PTGER4: variants seen among roughly 807,000 people sequenced by gnomAD.
The protein encoded by PTGER4 is prostaglandin E2 receptor EP4 subtype.
A neutral mutation model predicts 33.2 loss-of-function variants in PTGER4; 11 were observed. The observed-to-expected ratio is 0.33, with a 90% CI of 0.21 to 0.55. The LOEUF (loss-of-function observed/expected upper bound fraction) is 0.55. Ranked by LOEUF, PTGER4 falls within the 20% of genes least tolerant of loss-of-function variation. The pLI is 0.92. For missense variants in PTGER4, 481 were observed against 650.2 expected (o/e 0.74, Z 2.83); for synonymous variants, 275 against 281.5 (o/e 0.98, Z 0.23).
downstream of PTGER4, among the ~76,000 whole-genome samples, chr5:40,697,254 G>GAA (rs1367082882): frequency 4.8e-4 from 44 of 92,056 alleles, no homozygotes; most frequent in African/African-American, 1.3e-3. Flanking sequence ...AAGAAAGAAA[G>GAA]AAAGAAAGAA....
downstream of PTGER4, among the ~76,000 whole-genome samples, chr5:40,698,453 G>T (rs182846653): frequency 1.8e-3 from 275 of 152,162 alleles, 1 homozygote; most frequent in Middle Eastern, 0.017. Flanking sequence ...TAAAAATGAA[G>T]AAATAGCAGT....
At chr5:40,695,505 G>T (rs1375330846), downstream of PTGER4, among the ~76,000 whole-genome samples, 1 of 151,644 alleles carries the variant, frequency 6.6e-6, no homozygotes, top group African/African-American at 2.4e-5. Context: ...GAGATCGTGC[G>T]ACTGAACTCT....
At chr5:40,685,196 G>A (rs1020185690) in intron 2 of PTGER4, among the ~76,000 whole-genome samples, 1 of 152,128 alleles carries the variant, frequency 6.6e-6, no homozygotes. Context: ...GCTAGGGGCA[G>A]AACAGCTAAT....
chr5:40,692,262 G>A lies in PTGER4; in HGVS notation c.1351G>A (p.Val451Ile), dbSNP rs1289642524. ...DSSQGQDSESVLLVDEAGGSG... is the reference protein window; with the variant it reads ...DSSQGQDSESILLVDEAGGSG... The stretch of plus-strand genomic sequence containing the variant: ...TTCACAGGGTCAGGACTCAGAGAGT[G>A]TCTTACTGGTGGATGAGGCTGGTGG... The change falls in exon 3 of 3, where the codon GTC (valine) becomes ATC (isoleucine). Residue 451 changes from valine to isoleucine, a missense_variant. Physicochemically the swap from Val to Ile is conservative, Grantham distance 29. Transcript: ENST00000302472. 16 of 1,614,246 alleles carry A rather than the reference G, an allele frequency of 9.9e-6. No individual in the cohort carries two copies. The South Asian group carries it at 1.1e-4, about 11-fold the overall frequency.
the PTGER4 span, among the ~76,000 whole-genome samples, chr5:40,713,698 C>G: frequency 6.6e-6 from 1 of 152,114 alleles, no homozygotes; most frequent in Non-Finnish European, 1.5e-5. Context: ...ATACAATTCT[C>G]AAACAAGAAT....
chr5:40,742,282 T>C, the PTGER4 span, among the ~76,000 whole-genome samples: 2 of 152,076 alleles, frequency 1.3e-5, no homozygotes, highest in African/African-American at 2.4e-5. Context: ...AAGAAATATA[T>C]AGCCAATCAA....
At chr5:40,724,132 C>A in the PTGER4 span, among the ~76,000 whole-genome samples, 6 of 152,236 alleles carry the variant, frequency 3.9e-5, no homozygotes. Flanking sequence ...CCTAAATGTC[C>A]ATCAAAGGAA....
At chr5:40,689,297 T>TCA (rs1741408307) in intron 2 of PTGER4, among the ~76,000 whole-genome samples, 2 of 152,212 alleles carry the variant, frequency 1.3e-5, no homozygotes, top group Admixed American at 6.5e-5. Context: ...ATCAGAGACC[T>TCA]ATAGCTAATT....
chr5:40,722,076 C>T, the PTGER4 span, among the ~76,000 whole-genome samples: 1 of 152,182 alleles, frequency 6.6e-6, no homozygotes, highest in Non-Finnish European at 1.5e-5. Context: ...CATGAAATAT[C>T]ACCTCATGAG....
At chr5:40,733,237 G>A in the PTGER4 span, among the ~76,000 whole-genome samples, 1 of 152,178 alleles carries the variant, frequency 6.6e-6, no homozygotes, top group Non-Finnish European at 1.5e-5. Context: ...TGAGGTTTCA[G>A]GAGTCTTTGA....
chr5:40,696,862 A>G (rs540089665), downstream of PTGER4: 2 of 326,394 alleles, frequency 6.1e-6, no homozygotes, highest in African/African-American at 4.5e-5. Flanking sequence ...TCAAGGCAAC[A>G]GCTCTGCAAT....
rs1002274196 is a variant in PTGER4 at position 40,680,980 on chromosome 5, C to T, written c.-14C>T. The T allele has an allele frequency of 1.3e-6, 2 of 1,595,116 alleles. No homozygotes were observed. Among genetic ancestry groups the T allele is most frequent in the Non-Finnish European group, 1.7e-6 (2 of 1,170,150 alleles). Reference sequence around the variant, plus strand: ...AGCCTTGCACTCCAAGGCTGCGCACCGCCAGCCACTATCATGTCCACTCCC... The same window carrying T: ...AGCCTTGCACTCCAAGGCTGCGCACTGCCAGCCACTATCATGTCCACTCCC... On this transcript the variant is annotated 5_prime_UTR_variant, in exon 2 of 3. Transcript: ENST00000302472. This position sits in a 1 kb window ranked among gnomAD's most constrained non-coding sequence, Gnocchi z 5.5.
At chr5:40,739,665 G>C in the PTGER4 span, among the ~76,000 whole-genome samples, 1 of 152,174 alleles carries the variant, frequency 6.6e-6, no homozygotes, top group Non-Finnish European at 1.5e-5. Context: ...GGGCTCCCCA[G>C]AAGCTGAGCA....
chr5:40,682,170 C>T (rs1352497185), intron 2 of PTGER4, among the ~76,000 whole-genome samples: 2 of 151,632 alleles, frequency 1.3e-5, no homozygotes, highest in East Asian at 3.9e-4. Flanking sequence ...CAAGAAAACC[C>T]CCCGCCCCCT....
the PTGER4 span, among the ~76,000 whole-genome samples, chr5:40,733,458 G>C: frequency 3.3e-5 from 5 of 152,166 alleles, no homozygotes; most frequent in East Asian, 9.6e-4. Flanking sequence ...ATAAAAACAG[G>C]TTGTTTTTAT....
intron 2 of PTGER4, among the ~76,000 whole-genome samples, chr5:40,687,768 C>A (rs1033285579): frequency 6.6e-6 from 1 of 152,176 alleles, no homozygotes; most frequent in Non-Finnish European, 1.5e-5. Flanking sequence ...GCTTTTTAAA[C>A]TCATACTTTT....
downstream of PTGER4, among the ~76,000 whole-genome samples, chr5:40,697,298 A>G (rs576638579): frequency 2.1e-4 from 29 of 138,802 alleles, no homozygotes; most frequent in South Asian, 4.5e-3. Flanking sequence ...AAGAAAGAAA[A>G]AGAAAGGCCA....
chr5:40,696,803 T>A (rs1281745410), downstream of PTGER4: 1 of 789,866 alleles, frequency 1.3e-6, no homozygotes, highest in Non-Finnish European at 1.5e-6. Flanking sequence ...GAAACAGGAT[T>A]TAATACAAAG....
rs375605670 is a variant in PTGER4 at position 40,683,832 on chromosome 5, A to G, written c.867+1972A>G. The stretch of plus-strand genomic sequence containing the variant: ...AGAGGCAAGAAATTATAGGAGCTGT[A>G]TTTGTGGTTTGCAGATTAACCACAT... On this transcript the variant is annotated intron_variant, in intron 2 of 2. Coordinates refer to ENST00000302472, the MANE Select transcript of PTGER4 (RefSeq NM_000958.3). This position sits in a 1 kb window ranked among gnomAD's most constrained non-coding sequence, Gnocchi z 4.2. 4.0e-4 allele frequency among the ~76,000 whole-genome samples: 61 copies of G among 152,320 alleles called. No homozygotes were observed. Among genetic ancestry groups the G allele is most frequent in the African/African-American group, 1.4e-3 (57 of 41,582 alleles).
Sources: gnomAD v4.1 joint callset for allele counts (sites outside exome capture counted in the v4.1 genomes callset) on GRCh38, gnomAD v4.1.1 for gene constraint, Gnocchi (gnomAD v3.1) non-coding constraint, MANE v1.5 for transcripts, NCBI Gene and HGNC (gene_info 2026-07-23, HGNC 2026-07-21) for gene names.